The following CLIC5 variants were observed in gnomAD, a reference collection of about 807,000 sequenced individuals.
The protein encoded by CLIC5 is CLIC family member 5, also known as chloride intracellular channel protein 5.
In CLIC5, 20 loss-of-function variants were observed where a neutral mutation model predicts 24.7. That is an observed-to-expected ratio of 0.81 (90% confidence interval 0.57 to 1.18). CLIC5 has a LOEUF of 1.18. CLIC5 is among the 50% of genes most tolerant of loss of function. The probability of loss-of-function intolerance (pLI) is 0.00; values close to 1 mark genes in which losing one functional copy is unlikely to be tolerated. For synonymous variants in CLIC5, 159 were observed against 135.6 expected (o/e 1.17, Z -1.20); for missense variants, 341 against 326.1 (o/e 1.05, Z -0.35).
intron 6 of CLIC5, among the ~76,000 whole-genome samples, chr6:45,882,236 A>G (rs186035645): frequency 7.6e-4 from 116 of 152,372 alleles, no homozygotes; most frequent in Non-Finnish European, 1.4e-3. Context: ...TCCAGGATAC[A>G]CATCTCCCCA....
In CLIC5 at chr6:45,903,195, A is replaced by G. The variant is rs770120642; in HGVS notation, c.649T>C (p.Tyr217His). Reference protein sequence around the residue: ...IPAEMTGLWRYLKNAYARDEF... With the variant: ...IPAEMTGLWRHLKNAYARDEF... ...TCACGGGCATAGGCGTTCTTGAGGT[A>G]CCGCCACAGGCCTGTCATCTCAGCC... Residue 217 changes from tyrosine to histidine, a missense_variant, in exon 6 of 6, where the codon TAC becomes CAC. Coordinates refer to ENST00000339561, the MANE Select transcript of CLIC5 (RefSeq NM_016929.5). 1 of 1,613,404 alleles carries G rather than the reference A, an allele frequency of 6.2e-7. No individual in the cohort carries two copies. Among genetic ancestry groups the G allele is most frequent in the Admixed American group, 1.7e-5 (1 of 59,896 alleles).
chr6:45,953,898 A>G (rs1171972832), intron 2 of CLIC5, among the ~76,000 whole-genome samples: 1 of 152,106 alleles, frequency 6.6e-6, no homozygotes, highest in Non-Finnish European at 1.5e-5. Flanking sequence ...GAGAGAGTGC[A>G]ATAGGAGAAT....
intron 1 of CLIC5, among the ~76,000 whole-genome samples, chr6:46,036,920 A>C (rs529461042): frequency 6.6e-6 from 1 of 152,328 alleles, no homozygotes; most frequent in Admixed American, 6.5e-5. Flanking sequence ...AAAATAAGAT[A>C]ATTAAAGTCT....
downstream of CLIC5, among the ~76,000 whole-genome samples, chr6:45,894,057 A>G (rs4269370): frequency 0.52 from 79,120 of 151,974 alleles, 21,389 homozygotes; most frequent in African/African-American, 0.67. Flanking sequence ...ACTTGTGTCT[A>G]AGAGAGAGAG....
chr6:46,025,217 T>A (rs1396845143), intron 1 of CLIC5, among the ~76,000 whole-genome samples: 1 of 152,152 alleles, frequency 6.6e-6, no homozygotes, highest in Non-Finnish European at 1.5e-5. Context: ...TTTGTGTAGT[T>A]TGATTAATAT....
intron 1 of CLIC5, among the ~76,000 whole-genome samples, chr6:45,961,416 C>G (rs1475702212): frequency 1.3e-5 from 2 of 152,302 alleles, no homozygotes; most frequent in East Asian, 3.9e-4. Context: ...CAGCTGGTTC[C>G]CATAGCAGAA....
the CLIC5 span, among the ~76,000 whole-genome samples, chr6:46,092,636 TG>T: frequency 3.3e-5 from 1 of 30,388 alleles, no homozygotes; most frequent in Non-Finnish European, 8.6e-5. Context: ...TTCCCTTTTG[TG>T]TGTGTGTGTG....
chr6:46,108,622 C>T, the CLIC5 span, among the ~76,000 whole-genome samples: 2 of 152,072 alleles, frequency 1.3e-5, no homozygotes, highest in Non-Finnish European at 2.9e-5. Flanking sequence ...TTGTCTTGTA[C>T]TCCTGACTAA....
intron 1 of CLIC5, among the ~76,000 whole-genome samples, chr6:46,070,122 A>G (rs1296324108): frequency 1.3e-5 from 2 of 152,238 alleles, no homozygotes; most frequent in African/African-American, 4.8e-5. Flanking sequence ...CATCATACTG[A>G]ATGAACAAAA....
rs913133071 is a variant in CLIC5, at chr6:45,940,345, A to G, written c.406+1202T>C. On this transcript the variant is annotated intron_variant, in intron 4 of 5. Transcript: ENST00000339561. ...TGAAGCCTGTCCTTCTGCATCTGCC[A>G]GGCATTGAAGACTGAGGAAGTGTTT... Among the ~76,000 whole-genome samples the G allele has an allele frequency of 3.9e-5, 6 of 152,208 alleles. No individual in the cohort carries two copies. The South Asian group carries it at 1.2e-3, about 32-fold the overall frequency.
chr6:46,098,632 A>T, the CLIC5 span, among the ~76,000 whole-genome samples: 1 of 152,170 alleles, frequency 6.6e-6, no homozygotes, highest in Non-Finnish European at 1.5e-5. Flanking sequence ...GGTGGGGAGG[A>T]AACATAGCCT....
At chr6:45,935,654 C>G (rs1763903919) in intron 4 of CLIC5, among the ~76,000 whole-genome samples, 1 of 152,212 alleles carries the variant, frequency 6.6e-6, no homozygotes, top group South Asian at 2.1e-4. Flanking sequence ...CTCAAAGATG[C>G]TCTTTCGCAG....
intron 1 of CLIC5, among the ~76,000 whole-genome samples, chr6:45,981,341 T>G (rs1765563172): frequency 6.6e-6 from 1 of 151,962 alleles, no homozygotes; most frequent in Non-Finnish European, 1.5e-5. Flanking sequence ...ATATAATTTC[T>G]GAAATTTTGA....
chr6:45,923,714 T>C (rs1026928632), intron 4 of CLIC5, among the ~76,000 whole-genome samples: 4 of 152,222 alleles, frequency 2.6e-5, no homozygotes, highest in Non-Finnish European at 5.9e-5. Context: ...CATTGAGTAT[T>C]CATCGGATCG....
At chr6:46,087,554 AC>A in the CLIC5 span, among the ~76,000 whole-genome samples, 1 of 149,162 alleles carries the variant, frequency 6.7e-6, no homozygotes, top group African/African-American at 2.5e-5. Context: ...AATGACCTTC[AC>A]CTGGCCCAAG....
At chr6:46,052,068 T>C (rs1768118409) in intron 1 of CLIC5, among the ~76,000 whole-genome samples, 1 of 152,000 alleles carries the variant, frequency 6.6e-6, no homozygotes, top group African/African-American at 2.4e-5. Context: ...ACTGATAAAT[T>C]AGTCTAGTAT....
chr6:46,042,191 T>C (rs938688856), intron 1 of CLIC5, among the ~76,000 whole-genome samples: 3 of 152,214 alleles, frequency 2.0e-5, no homozygotes, highest in African/African-American at 7.2e-5. Context: ...AAATATTGAA[T>C]TAATAAAATG....
intron 1 of CLIC5, among the ~76,000 whole-genome samples, chr6:46,063,795 G>T (rs1476906326): frequency 1.3e-5 from 2 of 152,184 alleles, no homozygotes; most frequent in East Asian, 3.8e-4. Context: ...CATTGCTTCG[G>T]TAATGAAGCC....
chr6:45,917,198 T>C (rs1193310431), intron 4 of CLIC5, among the ~76,000 whole-genome samples: 1 of 152,184 alleles, frequency 6.6e-6, no homozygotes, highest in Non-Finnish European at 1.5e-5. Context: ...GTTCCTCTAC[T>C]TCACTGAGTT....
Sources: allele counts gnomAD v4.1 joint callset (sites outside exome capture counted in the v4.1 genomes callset), GRCh38; gene constraint gnomAD v4.1.1; transcripts MANE v1.5; gene names NCBI Gene and HGNC (gene_info 2026-07-23, HGNC 2026-07-21).